Variants in BICRAL observed in about 807,000 individuals in gnomAD.
The protein encoded by BICRAL is BRD4-interacting chromatin-remodeling complex-associated protein-like.
BICRAL carries 8 observed loss-of-function variants against 91.8 expected under a neutral mutation model. The observed-to-expected ratio is 0.09, with a 90% CI of 0.05 to 0.16. The LOEUF (loss-of-function observed/expected upper bound fraction) is 0.16, where lower values mean the gene tolerates loss of function less well. Among genes scored for constraint, BICRAL ranks in the 10% least tolerant of loss-of-function variants. BICRAL has a pLI of 1.00. For missense variants in BICRAL, 1,038 were observed against 1,310.9 expected (o/e 0.79, Z 3.21); for synonymous variants, 445 against 491.1 (o/e 0.91, Z 1.24).
At position 42,864,903 on chromosome 6, in the gene BICRAL, C is replaced by T; in HGVS notation, c.2697C>T (p.Cys899=). The change falls in exon 13 of 13, where the codon TGC becomes TGT. Residue 899 remains cysteine, a synonymous_variant. Coordinates refer to ENST00000314073, the MANE Select transcript of BICRAL (RefSeq NM_001393499.1). ...GAAACATTTCTAAAAAAACAGAATG[C>T]CTTGGCAGAGCACTGAAATTTGACA... ...AEGNISKKTE[C]LGRALKFDKV... is the part of the protein sequence containing the mutation. 1.2e-6 allele frequency: 2 copies of T among 1,614,148 alleles called. No homozygotes were observed. The highest frequency in any genetic ancestry group is 1.1e-5 in the South Asian group (1 of 91,086).
chr6:42,852,124 C>T lies in BICRAL; in HGVS notation c.1872C>T (p.Pro624=), dbSNP rs749670414. The T allele has an allele frequency of 9.3e-6, 15 of 1,611,582 alleles. No individual in the cohort carries two copies. The East Asian group carries it at 3.3e-4, about 36-fold the overall frequency. The change falls in exon 7 of 13, where the codon CCC becomes CCT. Residue 624 remains proline, a synonymous_variant. Transcript: ENST00000314073. ...AAAAATGTCTGAATCAGACTTCCCC[C>T]ATTTCTGCTCCCAAGACCACAGACG... is the stretch of plus-strand genomic sequence containing the variant. ...AQKKCLNQTS[P]ISAPKTTDGL...
At chr6:42,782,343 T>TGGGGGG (rs747628152) in intron 1 of BICRAL, among the ~76,000 whole-genome samples, 1 of 17,050 alleles carries the variant, frequency 5.9e-5, no homozygotes, top group African/African-American at 2.5e-4. Flanking sequence ...TTTTTTTTTT[T>TGGGGGG]GGGGGGGGGT....
chr6:42,779,460 C>T (rs1370929276), upstream of BICRAL, among the ~76,000 whole-genome samples: 4 of 152,066 alleles, frequency 2.6e-5, no homozygotes, highest in African/African-American at 7.2e-5. Context: ...ACTGGTTGGT[C>T]CAACCATCAG....
chr6:42,786,192 T>C (rs1345643152), intron 1 of BICRAL, among the ~76,000 whole-genome samples: 7 of 152,236 alleles, frequency 4.6e-5, no homozygotes, highest in Non-Finnish European at 4.4e-5. Flanking sequence ...TCTTCTCAAA[T>C]CGTTGTGTTT....
chr6:42,788,464 C>T (rs1423218477), intron 1 of BICRAL, among the ~76,000 whole-genome samples: 1 of 152,064 alleles, frequency 6.6e-6, no homozygotes, highest in East Asian at 1.9e-4. Context: ...TCAGGTGATC[C>T]ACGCACCTAG....
chr6:42,852,308 C>T (rs531441280), intron 7 of BICRAL, 111 bp downstream of exon 7: 13 of 730,162 alleles, frequency 1.8e-5, no homozygotes, highest in Admixed American at 4.0e-5. Flanking sequence ...GTCTCCACTC[C>T]GATTATTCCT....
At chr6:42,805,360 T>C (rs1173153684) in intron 1 of BICRAL, among the ~76,000 whole-genome samples, 1 of 152,170 alleles carries the variant, frequency 6.6e-6, no homozygotes, top group Non-Finnish European at 1.5e-5. Flanking sequence ...TTTAGCCCTA[T>C]TGTATGTTGT....
chr6:42,850,508 C>T (rs1483035079), intron 6 of BICRAL, among the ~76,000 whole-genome samples: 5 of 148,814 alleles, frequency 3.4e-5, no homozygotes, highest in Admixed American at 2.7e-4. Flanking sequence ...CAACGGAGCA[C>T]GACTTCATCT....
At position 42,796,748 on chromosome 6, in the gene BICRAL, A is replaced by G. The variant is rs75030314; in HGVS notation, c.-101-13558A>G. ...ATTTCCTGACATATGCGATGTGGGT[A>G]TAGGATAATGAGCTGTCGGCCGGGT... On this transcript the variant is annotated intron_variant, in intron 1 of 12. Coordinates refer to ENST00000314073, the MANE Select transcript of BICRAL (RefSeq NM_001393499.1). Among the ~76,000 whole-genome samples the G allele has an allele frequency of 3.6e-3, 554 of 152,096 alleles. 4 individuals carry two copies. The highest frequency in any genetic ancestry group is 0.013 in the African/African-American group (524 of 41,500).
intron 1 of BICRAL, among the ~76,000 whole-genome samples, chr6:42,763,097 C>G (rs961069290): frequency 5.9e-5 from 9 of 152,156 alleles, no homozygotes; most frequent in Non-Finnish European, 1.3e-4. Context: ...GCCCAAAGGT[C>G]AAACAGATCA....
Position 42,855,856 on chromosome 6 carries a change from G to T in BICRAL, c.2047G>T (p.Val683Leu). 1 of 1,612,114 alleles carries T rather than the reference G, an allele frequency of 6.2e-7. No individual in the cohort carries two copies. The highest frequency in any genetic ancestry group is 8.5e-7 in the Non-Finnish European group (1 of 1,178,428). Residue 683 changes from valine (V) to leucine (L), a missense_variant and splice_region_variant, in exon 9 of 13, where the codon GTG (valine) becomes TTG (leucine). Val to Leu is a conservative substitution (Grantham distance 32, BLOSUM62 1). This residue lies in a region of BICRAL where 532 missense variants were observed against 724.9 expected (regional missense o/e 0.73). Coordinates refer to ENST00000314073, the MANE Select transcript of BICRAL (RefSeq NM_001393499.1). ...GSSPGHPAVQ[V>L]ESHSGGQKRP... ...AATAAGAGGTTTGTTTTGTCTTTAG[G>T]TGGAGAGTCATTCGGGAGGACAAAA...
At chr6:42,862,717 G>A (rs1429903037) in intron 12 of BICRAL, 105 bp downstream of exon 12, 3 of 744,168 alleles carry the variant, frequency 4.0e-6, no homozygotes, top group Non-Finnish European at 7.3e-6. Flanking sequence ...CTTGAAGGTA[G>A]AACGTGAATT....
intron 1 of BICRAL, among the ~76,000 whole-genome samples, chr6:42,756,077 T>C (rs141398452): frequency 1.7e-4 from 26 of 152,304 alleles, no homozygotes; most frequent in African/African-American, 5.8e-4. Flanking sequence ...TGTCCTATCA[T>C]CCACCCAAGT....
intron 6 of BICRAL, among the ~76,000 whole-genome samples, chr6:42,849,441 A>ATTT (rs34512306): frequency 3.0e-5 from 4 of 135,352 alleles, no homozygotes; most frequent in African/African-American, 5.4e-5. Flanking sequence ...TTTAGAACAG[A>ATTT]TTTTTTTTTT....
At chr6:42,821,994 T>C in intron 2 of BICRAL, 24 bp from the exon 3 acceptor site, 3 of 1,553,634 alleles carry the variant, frequency 1.9e-6, no homozygotes, top group Non-Finnish European at 2.7e-6. Context: ...CTGAAACCTG[T>C]TTTCCTCTCC....
At chr6:42,855,706 T>C in intron 8 of BICRAL, 150 bp from the exon 9 acceptor site, 1 of 608,630 alleles carries the variant, frequency 1.6e-6, no homozygotes, top group Non-Finnish European at 2.9e-6. Context: ...ACTGGTTTTT[T>C]TTTTTTTATT....
chr6:42,764,759 A>G (rs1016074452), intron 1 of BICRAL, among the ~76,000 whole-genome samples: 1 of 152,038 alleles, frequency 6.6e-6, no homozygotes, highest in African/African-American at 2.4e-5. Flanking sequence ...TCCCGGGTTC[A>G]TGCCATTCTC....
chr6:42,763,614 A>T (rs1036366817), intron 1 of BICRAL, among the ~76,000 whole-genome samples: 2 of 152,060 alleles, frequency 1.3e-5, no homozygotes, highest in African/African-American at 4.8e-5. Context: ...TGAGGTCAGG[A>T]GTTCAAGACC....
At chr6:42,844,508 C>CAAAAAAAAA (rs34115804) in intron 6 of BICRAL, among the ~76,000 whole-genome samples, 3 of 31,460 alleles carry the variant, frequency 9.5e-5, no homozygotes, top group Admixed American at 6.1e-4. Flanking sequence ...GACTCCATCT[C>CAAAAAAAAA]AAAAAAAAAA....
Sources: gnomAD v4.1 joint callset for allele counts (sites outside exome capture counted in the v4.1 genomes callset) on GRCh38, gnomAD v4.1.1 for gene constraint, gnomAD v4.1.1 regional missense constraint, MANE v1.5 for transcripts, NCBI Gene and HGNC (gene_info 2026-07-23, HGNC 2026-07-21) for gene names.